The following ZNF124 variants were observed in gnomAD, a reference collection of about 807,000 sequenced individuals.
The protein encoded by ZNF124 is zinc finger protein HZF-16.
In ZNF124, 25 loss-of-function variants were observed where a neutral mutation model predicts 26.6. The ratio of observed to expected loss-of-function variants is 0.94; its 90% CI spans 0.68 to 1.31. The LOEUF (loss-of-function observed/expected upper bound fraction) is 1.31. Among genes scored for constraint, ZNF124 ranks in the 40% most tolerant of loss-of-function variants. ZNF124 has a pLI of 0.00. For missense variants in ZNF124, 444 were observed against 422.2 expected (o/e 1.05, Z -0.45); for synonymous variants, 129 against 133.3 (o/e 0.97, Z 0.22).
Position 247,169,577 on chromosome 1 carries a change from T to C in ZNF124, c.30+2271A>G, listed in dbSNP as rs1333181053. 2.0e-5 allele frequency among the ~76,000 whole-genome samples: 3 copies of C among 151,964 alleles called. No individual in the cohort carries two copies. In the East Asian group the frequency reaches 5.8e-4, roughly 29 times the overall value. On this transcript the variant is annotated intron_variant, in intron 1 of 3. Coordinates refer to ENST00000543802, the MANE Select transcript of ZNF124 (RefSeq NM_001297568.2). ...CCATCCTGCTCAGGGAAGTACTCAA[T>C]GCCCACCCTCCCCCAGAAACCTGTG...
chr1:247,128,700 AAG>A (rs1255528504), intron 3 of ZNF124, among the ~76,000 whole-genome samples: 1 of 149,810 alleles, frequency 6.7e-6, no homozygotes, highest in Non-Finnish European at 1.5e-5. Context: ...GTATTGAGGG[AAG>A]AAAGAATTTC....
chr1:247,124,951 C>A (rs939822619), intron 3 of ZNF124, among the ~76,000 whole-genome samples: 1 of 152,132 alleles, frequency 6.6e-6, no homozygotes, highest in African/African-American at 2.4e-5. Context: ...GCACACACCG[C>A]CATGCCCGGC....
rs527504399 is a variant in ZNF124 at position 247,123,977 on chromosome 1, C to T, written c.219-106G>A. On this transcript the variant is annotated intron_variant, in intron 3 of 3. Transcript: ENST00000472531. ...GCTTTTAGCTGGGACTACAGGCACC[C>T]GCCACCACGCCCGGCTAATTTTTTG... The T allele has an allele frequency of 2.7e-4, 186 of 690,036 alleles. No individual in the cohort carries two copies. The East Asian group carries it at 3.2e-3, about 12-fold the overall frequency. The allele number at this position is 690,036 out of a possible 1,614,324, so 42.7% of individuals were successfully genotyped here.
At chr1:247,162,742 A>G (rs1673555974) in intron 1 of ZNF124, among the ~76,000 whole-genome samples, 1 of 152,180 alleles carries the variant, frequency 6.6e-6, no homozygotes, top group Admixed American at 6.6e-5. Context: ...AGCAGACCTA[A>G]CTATCCTAAA....
At chr1:247,149,264 C>G (rs1394620312) in intron 3 of ZNF124, among the ~76,000 whole-genome samples, 1 of 152,138 alleles carries the variant, frequency 6.6e-6, no homozygotes, top group Non-Finnish European at 1.5e-5. Context: ...AATATTGATA[C>G]AGCCATTATA....
At position 247,156,148 on chromosome 1, in the gene ZNF124, A is replaced by T. The variant is rs1396348563; in HGVS notation, c.*418T>A. 1.5e-5 allele frequency: 15 copies of T among 989,008 alleles called. No homozygotes were observed. Among genetic ancestry groups the T allele is most frequent in the Non-Finnish European group, 1.8e-5 (15 of 832,640 alleles). The allele number at this position is 989,008 out of a possible 1,614,324, so 61.3% of individuals were successfully genotyped here. A position where few individuals can be genotyped will look rare whatever the true frequency, so the allele number is the denominator to read the frequency against. On this transcript the variant is annotated 3_prime_UTR_variant, in exon 4 of 4. Coordinates refer to ENST00000543802, the MANE Select transcript of ZNF124 (RefSeq NM_001297568.2). ...AATTTTCTGTATTTCTAGGATTTCA[A>T]TCTGGTGGGCATTCTTTTATTTATA...
At chr1:247,159,170 G>A (rs1673334351) in intron 2 of ZNF124, 104 bp from the exon 3 acceptor site, 1 of 1,063,328 alleles carries the variant, frequency 9.4e-7, no homozygotes, top group South Asian at 1.7e-5. Flanking sequence ...CCACCAAAAT[G>A]AATGCTGTAA....
chr1:247,170,732 G>T (rs938190794), intron 1 of ZNF124, among the ~76,000 whole-genome samples: 1 of 142,904 alleles, frequency 7.0e-6, no homozygotes. Flanking sequence ...CAAGCAGGGG[G>T]TACATAACTG....
At chr1:247,136,460 G>A (rs1046136558) in intron 3 of ZNF124, among the ~76,000 whole-genome samples, 1 of 152,080 alleles carries the variant, frequency 6.6e-6, no homozygotes, top group African/African-American at 2.4e-5. Flanking sequence ...ACCTCTTCAA[G>A]GAGAACTACA....
At chr1:247,138,966 T>A (rs984049281) in intron 3 of ZNF124, among the ~76,000 whole-genome samples, 2 of 152,238 alleles carry the variant, frequency 1.3e-5, no homozygotes, top group African/African-American at 4.8e-5. Flanking sequence ...CTCAAAAGAA[T>A]GCAACCATTG....
At chr1:247,160,587 T>C (rs1673425187) in intron 1 of ZNF124, among the ~76,000 whole-genome samples, 1 of 152,212 alleles carries the variant, frequency 6.6e-6, no homozygotes, top group Non-Finnish European at 1.5e-5. Context: ...TCACTGTTGC[T>C]AAATAGTTTA....
At chr1:247,138,563 C>G in intron 3 of ZNF124, 1 of 384,340 alleles carries the variant, frequency 2.6e-6, no homozygotes, top group East Asian at 3.6e-5. Flanking sequence ...CTCACATGTT[C>G]TACACGTATC....
chr1:247,163,607 GA>G (rs1159906529), intron 1 of ZNF124, among the ~76,000 whole-genome samples: 9 of 152,028 alleles, frequency 5.9e-5, no homozygotes, highest in African/African-American at 9.7e-5. Flanking sequence ...TGGAATCCCT[GA>G]ACAGAAAAAT....
intron 3 of ZNF124, among the ~76,000 whole-genome samples, chr1:247,125,652 C>A (rs12130663): frequency 1.3e-5 from 2 of 151,102 alleles, no homozygotes; most frequent in African/African-American, 4.9e-5. Context: ...GGCTGGTCTC[C>A]AACTCCTGAC....
rs1265195037 is a variant in ZNF124, at chr1:247,141,150, T to C, written c.219-17279A>G. On this transcript the variant is annotated intron_variant, in intron 3 of 3. Transcript: ENST00000472531. The stretch of plus-strand genomic sequence containing the variant: ...GTGGGACCAAGCCCAGGGTTTCCTA[T>C]CTGGTGACAAGCAGGGGGAGTGGGT... Among the ~76,000 whole-genome samples the C allele has an allele frequency of 2.0e-5, 3 of 151,724 alleles. No individual in the cohort carries two copies. The East Asian group carries it at 5.8e-4, about 29-fold the overall frequency.
chr1:247,147,476 C>T (rs995014762), intron 3 of ZNF124, among the ~76,000 whole-genome samples: 1 of 152,096 alleles, frequency 6.6e-6, no homozygotes, highest in African/African-American at 2.4e-5. Context: ...CCACACGGCT[C>T]GGCCTCCCAA....
chr1:247,145,238 G>A (rs1410940575), intron 3 of ZNF124, among the ~76,000 whole-genome samples: 1 of 152,200 alleles, frequency 6.6e-6, no homozygotes. Flanking sequence ...TATGGATCAG[G>A]AGAAGGAAAA....
chr1:247,132,111 G>T (rs996136859), intron 3 of ZNF124, among the ~76,000 whole-genome samples: 1 of 152,140 alleles, frequency 6.6e-6, no homozygotes. Flanking sequence ...TCCTTGAGTG[G>T]CATCTCCAGG....
In ZNF124 at chr1:247,156,988, C is replaced by T. The variant is rs1365926921; in HGVS notation, c.634G>A (p.Gly212Arg). 1 of 1,613,176 alleles carries T rather than the reference C, an allele frequency of 6.2e-7. No homozygotes were observed. Among genetic ancestry groups the T allele is most frequent in the Non-Finnish European group, 8.5e-7 (1 of 1,179,482 alleles). The stretch of plus-strand genomic sequence containing the variant: ...CAATTGGAGTAACGGAAGGCTTTCC[C>T]ACAGTGCTTACATTCATAGGGTTTC... ...GEKPYECKHC[G>R]KAFRYSNCLH... The change falls in exon 4 of 4, where the codon GGG (glycine) becomes AGG (arginine). Residue 212 changes from glycine to arginine, a missense_variant. By Grantham distance (125) the Gly-to-Arg change is moderately radical (BLOSUM62 -2). Transcript: ENST00000543802.
Sources: gnomAD v4.1 joint callset for allele counts (sites outside exome capture counted in the v4.1 genomes callset) on GRCh38, gnomAD v4.1.1 for gene constraint, MANE v1.5 for transcripts, NCBI Gene and HGNC (gene_info 2026-07-23, HGNC 2026-07-21) for gene names.